The following CTBP2 variants were observed in gnomAD, a reference collection of about 807,000 sequenced individuals.
CTBP2 encodes C-terminal-binding protein 2.
CTBP2 carries 30 observed loss-of-function variants against 80.3 expected under a neutral mutation model. That is an observed-to-expected ratio of 0.37 (90% CI 0.28 to 0.51). The LOEUF (loss-of-function observed/expected upper bound fraction) is 0.51. CTBP2 is among the 20% of genes least tolerant of loss of function. The pLI is 0.93. For missense variants in CTBP2, 1,212 were observed against 1,375.3 expected, an observed-to-expected ratio of 0.88 and a Z score of 1.88; for synonymous variants, 594 against 587.4, an observed-to-expected ratio of 1.01 and a Z score of -0.16.
At chr10:125,051,681 T>C (rs1214487740) in intron 2 of CTBP2, among the ~76,000 whole-genome samples, 3 of 152,014 alleles carry the variant, frequency 2.0e-5, no homozygotes, top group Non-Finnish European at 4.4e-5. Context: ...AAAGAAACCT[T>C]TTCAATTAAA....
At chr10:125,020,265 G>A (rs1217045396) in intron 1 of CTBP2, among the ~76,000 whole-genome samples, 1 of 152,140 alleles carries the variant, frequency 6.6e-6, no homozygotes, top group Non-Finnish European at 1.5e-5. Flanking sequence ...AGAGTTCCAG[G>A]TGTGATGTGG....
intron 1 of CTBP2, among the ~76,000 whole-genome samples, chr10:125,123,175 C>T (rs1445873745): frequency 1.3e-5 from 2 of 152,170 alleles, no homozygotes; most frequent in Non-Finnish European, 2.9e-5. Flanking sequence ...TGTGCTTCAG[C>T]TGGGGACCGT....
intron 1 of CTBP2, among the ~76,000 whole-genome samples, chr10:125,025,291 T>A (rs1380815450): frequency 1.3e-5 from 2 of 152,202 alleles, no homozygotes; most frequent in African/African-American, 2.4e-5. Flanking sequence ...ATAAAAATTG[T>A]AAATGGTGCT....
At chr10:125,115,497 G>C (rs1246314921) in intron 1 of CTBP2, among the ~76,000 whole-genome samples, 1 of 152,188 alleles carries the variant, frequency 6.6e-6, no homozygotes, top group Non-Finnish European at 1.5e-5. Flanking sequence ...TATCCTGCCT[G>C]TGATTTGGAG....
intron 1 of CTBP2, among the ~76,000 whole-genome samples, chr10:125,117,586 G>A (rs773488614): frequency 1.1e-4 from 17 of 152,180 alleles, no homozygotes; most frequent in Non-Finnish European, 2.2e-4. Flanking sequence ...TTGGCACATG[G>A]GGAAAAGAAA....
At chr10:125,078,460 G>A (rs930227011) in intron 2 of CTBP2, among the ~76,000 whole-genome samples, 2 of 151,584 alleles carry the variant, frequency 1.3e-5, no homozygotes, top group East Asian at 3.9e-4. Flanking sequence ...AAGCCACTTC[G>A]TCACCTCAAA....
chr10:125,074,663 T>TG (rs1846021880), intron 2 of CTBP2, among the ~76,000 whole-genome samples: 1 of 152,230 alleles, frequency 6.6e-6, no homozygotes, highest in Non-Finnish European at 1.5e-5. Flanking sequence ...CCTTTTCACA[T>TG]TGAAGTAAGT....
intron 1 of CTBP2, among the ~76,000 whole-genome samples, chr10:125,157,417 G>T (rs1052386391): frequency 6.7e-6 from 1 of 149,414 alleles, no homozygotes; most frequent in African/African-American, 2.5e-5. Flanking sequence ...GAGCGGGGGG[G>T]AGTCGGTATT....
At chr10:125,128,147 T>C (rs946030931) in intron 1 of CTBP2, among the ~76,000 whole-genome samples, 1 of 152,182 alleles carries the variant, frequency 6.6e-6, no homozygotes, top group East Asian at 1.9e-4. Flanking sequence ...TGGGAGCAGC[T>C]GTCTAGAATA....
intron 2 of CTBP2, among the ~76,000 whole-genome samples, chr10:125,040,690 C>T (rs1252313158): frequency 2.0e-5 from 3 of 151,398 alleles, no homozygotes; most frequent in Non-Finnish European, 4.4e-5. Context: ...AAATGAGGCC[C>T]AAGGGGTAGA....
intron 2 of CTBP2, among the ~76,000 whole-genome samples, chr10:125,108,686 G>C (rs1851829109): frequency 6.8e-6 from 1 of 148,000 alleles, no homozygotes; most frequent in East Asian, 2.1e-4. Flanking sequence ...CAAGTGGTCA[G>C]GGGAGAAGTT....
intron 2 of CTBP2, among the ~76,000 whole-genome samples, chr10:125,075,897 T>C (rs1030388716): frequency 3.9e-5 from 6 of 152,234 alleles, no homozygotes; most frequent in African/African-American, 9.6e-5. Flanking sequence ...GCTGAGCATG[T>C]GTATCCCAAT....
intron 2 of CTBP2, among the ~76,000 whole-genome samples, chr10:125,078,045 C>A (rs1439161812): frequency 6.6e-6 from 1 of 152,122 alleles, no homozygotes; most frequent in Non-Finnish European, 1.5e-5. Flanking sequence ...CTTTGGGAGG[C>A]CAAGACGGGC....
chr10:125,140,829 A>C (rs549124704), intron 1 of CTBP2, among the ~76,000 whole-genome samples: 1 of 151,884 alleles, frequency 6.6e-6, no homozygotes, highest in Admixed American at 6.6e-5. Context: ...TCAAAAAAAC[A>C]ATAAAAAGAA....
intron 4 of CTBP2, among the ~76,000 whole-genome samples, chr10:124,995,864 C>T (rs939497411): frequency 1.2e-4 from 18 of 152,234 alleles, no homozygotes; most frequent in Admixed American, 5.2e-4. Context: ...GGAGCTCACA[C>T]TTCACAGGAC....
chr10:125,141,806 TAC>T (rs1857875393), intron 1 of CTBP2, among the ~76,000 whole-genome samples: 1 of 151,922 alleles, frequency 6.6e-6, no homozygotes, highest in African/African-American at 2.4e-5. Flanking sequence ...ACACAGCAAG[TAC>T]ACAGTGAGCA....
intron 2 of CTBP2, among the ~76,000 whole-genome samples, chr10:125,084,410 G>A (rs1847661283): frequency 6.6e-6 from 1 of 152,200 alleles, no homozygotes; most frequent in Non-Finnish European, 1.5e-5. Flanking sequence ...GAAGGAATGT[G>A]ACTCAGAGGG....
In CTBP2 at chr10:124,988,415, C is replaced by G. The variant is rs796261765; in HGVS notation, c.*1103G>C. 6.5e-6 allele frequency: 1 copy of G among 152,756 alleles called. No homozygotes were observed. The highest frequency in any genetic ancestry group is 2.1e-4 in the South Asian group (1 of 4,832). 9.5% of individuals were successfully genotyped at this position (152,756 alleles called of 1,614,324 possible). ...CAATAAACAAATACAGTAACGGTAACTCACACTAAAACAAAACATACTTCT... is the reference window on the plus strand; with the variant it reads ...CAATAAACAAATACAGTAACGGTAAGTCACACTAAAACAAAACATACTTCT... On this transcript the variant is annotated 3_prime_UTR_variant, in exon 9 of 9. Coordinates refer to ENST00000309035, the MANE Select transcript of CTBP2 (RefSeq NM_022802.3).
intron 3 of CTBP2, among the ~76,000 whole-genome samples, chr10:125,035,905 C>A (rs938556411): frequency 3.9e-5 from 6 of 152,162 alleles, no homozygotes; most frequent in African/African-American, 9.7e-5. Context: ...TACGAGAGGG[C>A]TCCTTCGTAA....
Sources: allele counts gnomAD v4.1 joint callset (sites outside exome capture counted in the v4.1 genomes callset), GRCh38; gene constraint gnomAD v4.1.1; transcripts MANE v1.5; gene names NCBI Gene and HGNC (gene_info 2026-07-23, HGNC 2026-07-21).